DYSF: variants seen among roughly 807,000 people sequenced by gnomAD.
DYSF encodes the protein dysferlin, also known as dystrophy-associated fer-1-like 1.
Under a neutral mutation model 274.9 loss-of-function variants are expected in DYSF, and 212 were observed. That is an observed-to-expected ratio of 0.77 (90% confidence interval 0.69 to 0.86). The LOEUF (loss-of-function observed/expected upper bound fraction) is 0.86. DYSF is among the 40% of genes least tolerant of loss of function. The pLI, the probability that DYSF is intolerant of heterozygous loss-of-function variation, is 0.00. For synonymous variants in DYSF, 1,091 were observed against 1,078.7 expected, an observed-to-expected ratio of 1.01 and a Z score of -0.22; for missense variants, 2,666 against 2,783.2, an observed-to-expected ratio of 0.96 and a Z score of 0.95.
intron 4 of DYSF, among the ~76,000 whole-genome samples, chr2:71,504,907 G>A (rs1206464786): frequency 2.0e-5 from 3 of 152,190 alleles, no homozygotes; most frequent in South Asian, 2.1e-4. Context: ...GTTTACCAGC[G>A]GGGAGCCTGC....
intron 55 of DYSF, among the ~76,000 whole-genome samples, chr2:71,683,789 G>A (rs1181337047): frequency 6.6e-6 from 1 of 152,228 alleles, no homozygotes; most frequent in Non-Finnish European, 1.5e-5. Context: ...GCCCCCAGGT[G>A]AGCTCTTTGC....
chr2:71,603,725 C>T (rs1007931299), intron 36 of DYSF, among the ~76,000 whole-genome samples: 2 of 152,078 alleles, frequency 1.3e-5, no homozygotes, highest in African/African-American at 4.8e-5. Context: ...AAAAGACTGC[C>T]GATTTGGAAA....
intron 17 of DYSF, among the ~76,000 whole-genome samples, chr2:71,545,205 A>C (rs2090371846): frequency 6.6e-6 from 1 of 152,340 alleles, no homozygotes; most frequent in East Asian, 1.9e-4. Flanking sequence ...GGCAAGAAAG[A>C]AATGAAAAGA....
At chr2:71,489,981 G>T (rs924207494) in intron 3 of DYSF, among the ~76,000 whole-genome samples, 2 of 152,130 alleles carry the variant, frequency 1.3e-5, no homozygotes, top group Non-Finnish European at 2.9e-5. Context: ...TCAAATGCCT[G>T]CTCAGTGCTT....
At chr2:71,652,582 G>C (rs1185389208) in intron 42 of DYSF, among the ~76,000 whole-genome samples, 2 of 152,220 alleles carry the variant, frequency 1.3e-5, no homozygotes, top group African/African-American at 4.8e-5. Context: ...ATCAGATCAT[G>C]TTCCTGTATT....
At chr2:71,679,716 A>C (rs1264973507) in intron 53 of DYSF, among the ~76,000 whole-genome samples, 1 of 152,090 alleles carries the variant, frequency 6.6e-6, no homozygotes, top group African/African-American at 2.4e-5. Flanking sequence ...TAATCCCTGA[A>C]AGTTTACTTA....
chr2:71,671,245 A>G (rs919551474), intron 51 of DYSF, among the ~76,000 whole-genome samples: 4 of 152,200 alleles, frequency 2.6e-5, no homozygotes, highest in African/African-American at 9.6e-5. Flanking sequence ...AGAAAGCAGA[A>G]TTGAGCAACA....
Position 71,510,065 on chromosome 2 carries a change from G to A in DYSF, c.346-1742G>A, listed in dbSNP as rs190862855. On this transcript the variant is annotated intron_variant, in intron 4 of 55. Transcript: ENST00000410020. Reference sequence around the variant, plus strand: ...AGGGATTACAGGCATGAACCACCTCGCCCAGGCTCTTTTGATGTGTTTTTA... The same window carrying A: ...AGGGATTACAGGCATGAACCACCTCACCCAGGCTCTTTTGATGTGTTTTTA... 2.6e-5 allele frequency among the ~76,000 whole-genome samples: 4 copies of A among 152,290 alleles called. No homozygotes were observed. In the East Asian group the frequency reaches 5.8e-4, roughly 22 times the overall value.
intron 19 of DYSF, among the ~76,000 whole-genome samples, chr2:71,552,533 T>G (rs1250673358): frequency 6.6e-6 from 1 of 152,184 alleles, no homozygotes; most frequent in African/African-American, 2.4e-5. Flanking sequence ...ATGAGACCCT[T>G]TCATCCCAGG....
intron 3 of DYSF, among the ~76,000 whole-genome samples, chr2:71,486,948 G>A (rs2083416347): frequency 6.6e-6 from 1 of 152,196 alleles, no homozygotes; most frequent in African/African-American, 2.4e-5. Flanking sequence ...GTTCAGCCCA[G>A]AAGTTCCCAA....
rs146049812 is a variant in DYSF, at chr2:71,643,630, C to T, written c.4528-335C>T. 3.7e-3 allele frequency among the ~76,000 whole-genome samples: 566 copies of T among 152,288 alleles called. 3 individuals carry two copies. The highest frequency in any genetic ancestry group is 0.013 in the African/African-American group (540 of 41,560). ...TGATTTTGGTCTCAGTGTGTTGTGT[C>T]CCTGGGATGCAGGAACTACAAAGAT... On this transcript the variant is annotated intron_variant, in intron 41 of 55. Transcript: ENST00000410020.
chr2:71,655,686 T>G (rs2094755063), intron 42 of DYSF, among the ~76,000 whole-genome samples: 1 of 152,246 alleles, frequency 6.6e-6, no homozygotes, highest in African/African-American at 2.4e-5. Context: ...CATTTTTACT[T>G]GAAATGCTGA....
chr2:71,516,350 G>A, intron 9 of DYSF, 108 bp downstream of exon 9: 1 of 1,005,750 alleles, frequency 9.9e-7, no homozygotes, highest in Non-Finnish European at 1.6e-6. Context: ...ACGTCAGTGT[G>A]AATGCGTGAA....
exon 1 of DYSF, chr2:71,454,020 T>C (rs1227321624): frequency 2.5e-6 from 4 of 1,614,042 alleles, no homozygotes; most frequent in Non-Finnish European, 3.4e-6. Context: ...CTTCATCCTC[T>C]ATGCCGAGAA....
intron 4 of DYSF, among the ~76,000 whole-genome samples, chr2:71,506,601 A>G (rs1265856280): frequency 2.0e-5 from 3 of 152,032 alleles, no homozygotes; most frequent in Non-Finnish European, 2.9e-5. Flanking sequence ...GGGAGAGCAC[A>G]GGGCTCACAT....
chr2:71,456,370 A>G (rs1205102586), intron 1 of DYSF, among the ~76,000 whole-genome samples: 1 of 152,008 alleles, frequency 6.6e-6, no homozygotes, highest in Non-Finnish European at 1.5e-5. Context: ...GCATTAGCCA[A>G]GCTCCTAACC....
chr2:71,672,491 T>C (rs1050507490), intron 51 of DYSF, among the ~76,000 whole-genome samples: 5 of 152,282 alleles, frequency 3.3e-5, no homozygotes, highest in African/African-American at 9.6e-5. Flanking sequence ...CCGGCGGCTT[T>C]GAACCACCAC....
intron 38 of DYSF, among the ~76,000 whole-genome samples, chr2:71,611,963 C>T (rs1376699068): frequency 6.6e-6 from 1 of 152,030 alleles, no homozygotes; most frequent in Non-Finnish European, 1.5e-5. Flanking sequence ...TTCCAGGATT[C>T]CTCCAAACCT....
At chr2:71,520,950 C>T (rs1441618906) in intron 12 of DYSF, 46 bp downstream of exon 12, 1 of 1,574,152 alleles carries the variant, frequency 6.4e-7, no homozygotes, top group Non-Finnish European at 8.7e-7. Context: ...CCACGCGGCA[C>T]TTGGTTGCGG....
Sources: gnomAD v4.1 joint callset for allele counts (sites outside exome capture counted in the v4.1 genomes callset) on GRCh38, gnomAD v4.1.1 for gene constraint, MANE v1.5 for transcripts, NCBI Gene and HGNC (gene_info 2026-07-23, HGNC 2026-07-21) for gene names.